Variants in BRAF observed in about 807,000 individuals in gnomAD.
BRAF encodes B-Raf proto-oncogene, serine/threonine kinase, also known as serine/threonine-protein kinase B-raf.
In BRAF, 16 loss-of-function variants were observed where a neutral mutation model predicts 104.6. The observed-to-expected ratio is 0.15, with a 90% CI of 0.10 to 0.23. The LOEUF is 0.23. Among genes scored for constraint, BRAF ranks in the 10% least tolerant of loss-of-function variants. The probability of loss-of-function intolerance (pLI) is 1.00; values close to 1 mark genes in which losing one functional copy is unlikely to be tolerated. For synonymous variants in BRAF, 310 were observed against 341.6 expected, an observed-to-expected ratio of 0.91 and a Z score of 1.02; for missense variants, 541 against 937.3, an observed-to-expected ratio of 0.58 and a Z score of 5.52.
intron 1 of BRAF, among the ~76,000 whole-genome samples, chr7:140,887,057 C>T (rs1398201871): frequency 6.6e-6 from 1 of 152,152 alleles, no homozygotes; most frequent in Non-Finnish European, 1.5e-5. Flanking sequence ...CACAACTACC[C>T]TGTAAGGTAG....
chr7:140,849,632 G>A (rs994537555), intron 2 of BRAF, among the ~76,000 whole-genome samples: 1 of 151,762 alleles, frequency 6.6e-6, no homozygotes, highest in African/African-American at 2.4e-5. Context: ...CCAATATGGT[G>A]AAACCCCATC....
intron 1 of BRAF, among the ~76,000 whole-genome samples, chr7:140,866,336 G>A (rs192726192): frequency 3.3e-5 from 5 of 152,210 alleles, no homozygotes; most frequent in African/African-American, 1.2e-4. Flanking sequence ...CCAAAACCCT[G>A]GGACACCATT....
At chr7:140,868,973 T>C (rs1811268373) in intron 1 of BRAF, among the ~76,000 whole-genome samples, 1 of 152,130 alleles carries the variant, frequency 6.6e-6, no homozygotes, top group Non-Finnish European at 1.5e-5. Context: ...GTAAATTGGA[T>C]GTGAGGTATG....
At chr7:140,897,736 A>G (rs1337821387) in intron 1 of BRAF, among the ~76,000 whole-genome samples, 1 of 151,862 alleles carries the variant, frequency 6.6e-6, no homozygotes, top group Non-Finnish European at 1.5e-5. Flanking sequence ...TCTTGACCTC[A>G]TGATCTGCTC....
rs1457586240 is a variant in BRAF, at chr7:140,734,587, C to T, written c.2401+30G>A. The stretch of plus-strand genomic sequence containing the variant: ...GTTGCTACTCTCCTGAACTCTCTCA[C>T]TCATTTGTTTCAGTGGACAGGAAAC... On this transcript the variant is annotated intron_variant, in intron 19 of 19. Coordinates refer to ENST00000644969, the MANE Select transcript of BRAF (RefSeq NM_001374258.1). 3.7e-6 allele frequency: 6 copies of T among 1,613,386 alleles called. No individual in the cohort carries two copies. The African/African-American group carries it at 5.3e-5, about 14-fold the overall frequency.
chr7:140,921,554 CTAA>C (rs1475174744), intron 1 of BRAF, among the ~76,000 whole-genome samples: 1 of 151,916 alleles, frequency 6.6e-6, no homozygotes, highest in Non-Finnish European at 1.5e-5. Context: ...CACAGTATGT[CTAA>C]TAATACGTAG....
At chr7:140,766,675 C>T (rs183299105) in intron 14 of BRAF, among the ~76,000 whole-genome samples, 236 of 152,074 alleles carry the variant, frequency 1.6e-3, no homozygotes, top group Admixed American at 4.6e-3. Flanking sequence ...CTCAGCCTCC[C>T]GAGTAGCTGG....
chr7:140,736,370 C>T (rs1201322400), intron 18 of BRAF, among the ~76,000 whole-genome samples: 1 of 151,642 alleles, frequency 6.6e-6, no homozygotes, highest in East Asian at 1.9e-4. Flanking sequence ...CGCCTGGCCT[C>T]TTCAGTACCT....
intron 17 of BRAF, among the ~76,000 whole-genome samples, chr7:140,748,657 T>C (rs1424202394): frequency 2.6e-5 from 4 of 152,146 alleles, no homozygotes; most frequent in Non-Finnish European, 4.4e-5. Context: ...TTCACTTTTC[T>C]TGGCCAATTT....
chr7:140,823,944 C>T (rs1410145602), intron 3 of BRAF: 1 of 152,120 alleles, frequency 6.6e-6, no homozygotes, highest in East Asian at 1.9e-4. Context: ...ATGCTCGTGG[C>T]CATCTGGATA....
At chr7:140,813,176 C>G (rs1804468543) in intron 3 of BRAF, among the ~76,000 whole-genome samples, 1 of 151,936 alleles carries the variant, frequency 6.6e-6, no homozygotes, top group Non-Finnish European at 1.5e-5. Flanking sequence ...CTTCCTGATA[C>G]ACAAAGAGCT....
intron 1 of BRAF, among the ~76,000 whole-genome samples, chr7:140,914,977 G>C (rs1191247919): frequency 1.2e-4 from 6 of 49,640 alleles, no homozygotes; most frequent in Non-Finnish European, 2.3e-4. Flanking sequence ...GGGGGGGGGG[G>C]GGCGGAGGTT....
intron 1 of BRAF, among the ~76,000 whole-genome samples, chr7:140,919,997 C>A (rs1318532830): frequency 6.6e-6 from 1 of 152,068 alleles, no homozygotes; most frequent in Non-Finnish European, 1.5e-5. Context: ...TGTGAGCCAC[C>A]ACGACCAGCC....
At chr7:140,814,256 C>T (rs998635881) in intron 3 of BRAF, among the ~76,000 whole-genome samples, 2 of 152,138 alleles carry the variant, frequency 1.3e-5, no homozygotes, top group Non-Finnish European at 2.9e-5. Context: ...TAGACCAAAA[C>T]AAAATGTATG....
In BRAF at chr7:140,720,635, T is replaced by A. The variant is rs1042950736; in HGVS notation, c.*5859A>T. 1.9e-6 allele frequency: 2 copies of A among 1,065,530 alleles called. No homozygotes were observed. The highest frequency in any genetic ancestry group is 2.3e-6 in the Non-Finnish European group (2 of 879,532). 66.0% of individuals were successfully genotyped at this position (1,065,530 alleles called of 1,614,324 possible). On this transcript the variant is annotated 3_prime_UTR_variant, in exon 20 of 20. Coordinates refer to ENST00000644969, the MANE Select transcript of BRAF (RefSeq NM_001374258.1). ...TACAGTTTATTTCCCACCCTCACATTAATTTTTCCCTATCCTAGATTTACT... is the reference window on the plus strand; with the variant it reads ...TACAGTTTATTTCCCACCCTCACATAAATTTTTCCCTATCCTAGATTTACT...
intron 7 of BRAF, among the ~76,000 whole-genome samples, chr7:140,798,737 C>T (rs936534070): frequency 5.9e-5 from 9 of 151,764 alleles, no homozygotes; most frequent in African/African-American, 1.7e-4. Flanking sequence ...GGAAGATCAC[C>T]TGAGGCCAGG....
At chr7:140,849,659 A>C (rs1211680425) in intron 2 of BRAF, among the ~76,000 whole-genome samples, 1 of 151,970 alleles carries the variant, frequency 6.6e-6, no homozygotes, top group Non-Finnish European at 1.5e-5. Context: ...AAAAATAGAA[A>C]AAATTAGGTG....
intron 3 of BRAF, among the ~76,000 whole-genome samples, chr7:140,833,465 T>G (rs956994264): frequency 3.9e-5 from 6 of 152,230 alleles, no homozygotes; most frequent in Admixed American, 6.5e-5. Flanking sequence ...TACAGATAAT[T>G]CATATGTTGA....
intron 17 of BRAF, chr7:140,741,846 T>G (rs1796945566): frequency 6.6e-6 from 1 of 151,842 alleles, no homozygotes; most frequent in Admixed American, 6.6e-5. Flanking sequence ...TAGTCCCAGC[T>G]ACGTGGGAGG....
Sources: gnomAD v4.1 joint callset for allele counts (sites outside exome capture counted in the v4.1 genomes callset) on GRCh38, gnomAD v4.1.1 for gene constraint, MANE v1.5 for transcripts, NCBI Gene and HGNC (gene_info 2026-07-23, HGNC 2026-07-21) for gene names.